Variants in SEMA6A observed in about 807,000 individuals in gnomAD.
SEMA6A encodes semaphorin 6A, also known as semaphorin-6A.
SEMA6A carries 25 observed loss-of-function variants against 96.8 expected under a neutral mutation model. The ratio of observed to expected loss-of-function variants is 0.26; its 90% CI spans 0.19 to 0.36. SEMA6A has a LOEUF of 0.36. Ranked by LOEUF, SEMA6A falls within the 10% of genes least tolerant of loss-of-function variation. The pLI, the probability that SEMA6A is intolerant of heterozygous loss-of-function variation, is 1.00. For synonymous variants in SEMA6A, 612 were observed against 518.0 expected (o/e 1.18, Z -2.46); for missense variants, 1,363 against 1,323.1 (o/e 1.03, Z -0.47).
chr5:116,466,143 G>T (rs1389989581), intron 18 of SEMA6A, among the ~76,000 whole-genome samples: 2 of 151,644 alleles, frequency 1.3e-5, no homozygotes, highest in African/African-American at 2.4e-5. Context: ...AGCCGAGGCG[G>T]GTGGATCACC....
In SEMA6A at chr5:116,478,538, T is replaced by C; in HGVS notation, c.1427+4A>G. On this transcript the variant is annotated splice_donor_region_variant and intron_variant, in intron 13 of 18. Coordinates refer to ENST00000343348, the MANE Select transcript of SEMA6A (RefSeq NM_020796.5). ...ACTAAGAAAGAACCAAATATTCCAC[T>C]TACTTTTCAGAGTTGTAAACACTCA... 1 of 1,602,708 alleles carries C rather than the reference T, an allele frequency of 6.2e-7. No homozygotes were observed.
intron 18 of SEMA6A, among the ~76,000 whole-genome samples, chr5:116,460,886 A>G (rs1194864315): frequency 6.6e-6 from 1 of 151,684 alleles, no homozygotes; most frequent in African/African-American, 2.4e-5. Context: ...CCCTGGTTCA[A>G]GTAATTCCCT....
At chr5:116,454,975 G>A (rs112179859) in intron 18 of SEMA6A, among the ~76,000 whole-genome samples, 2 of 152,250 alleles carry the variant, frequency 1.3e-5, no homozygotes, top group African/African-American at 4.8e-5. Context: ...GAATTCAGAA[G>A]CTATTTTAAA....
intron 1 of SEMA6A, chr5:116,562,880 C>G: frequency 1.6e-6 from 1 of 626,868 alleles, no homozygotes; most frequent in East Asian, 3.4e-5. Context: ...GACAAAGACT[C>G]CTGGACCTGG....
chr5:116,450,161 C>T (rs1379509540), intron 18 of SEMA6A, among the ~76,000 whole-genome samples: 3 of 152,184 alleles, frequency 2.0e-5, no homozygotes, highest in Non-Finnish European at 2.9e-5. Context: ...CAAAAATGTA[C>T]ACCTGTGGAT....
chr5:116,474,278 G>GCACACACACACA (rs113731062), intron 16 of SEMA6A, among the ~76,000 whole-genome samples: 1,887 of 147,364 alleles, frequency 0.013, 17 homozygotes, highest in South Asian at 0.032. Flanking sequence ...GTGCACGCAT[G>GCACACACACACA]CACACACACA....
At position 116,502,211 on chromosome 5, in the gene SEMA6A, T is replaced by C; in HGVS notation, c.217A>G (p.Arg73Gly). 6.2e-7 allele frequency: 1 copy of C among 1,613,564 alleles called. No individual in the cohort carries two copies. Among genetic ancestry groups the C allele is most frequent in the Non-Finnish European group, 8.5e-7 (1 of 1,179,506 alleles). The stretch of plus-strand genomic sequence containing the variant: ...AGACATGGGGAAAAGGCCCCTTACC[T>C]AGCAGCAATGTAGAGGGTTCCGTTC... ...IMNGTLYIAA[R>G]DHIYTVDIDT... The change falls in exon 3 of 19, where the codon AGG (arginine) becomes GGG (glycine). Residue 73 changes from arginine (R) to glycine (G), a missense_variant and splice_region_variant. Arg to Gly is a moderately radical substitution (Grantham distance 125). Transcript: ENST00000343348.
Position 116,488,869 on chromosome 5 carries a change from C to T in SEMA6A, c.655+19G>A. The T allele has an allele frequency of 6.5e-7, 1 of 1,550,242 alleles. No homozygotes were observed. The highest frequency in any genetic ancestry group is 2.4e-5 in the East Asian group (1 of 41,266). ...ATTCCCCTCCCCTCCGACCCTCCTTCTTTTAATTGTTTGTTCACCTTTCAA... is the reference window on the plus strand; with the variant it reads ...ATTCCCCTCCCCTCCGACCCTCCTTTTTTTAATTGTTTGTTCACCTTTCAA... On this transcript the variant is annotated intron_variant, in intron 8 of 18. Coordinates refer to ENST00000343348, the MANE Select transcript of SEMA6A (RefSeq NM_020796.5).
intron 1 of SEMA6A, among the ~76,000 whole-genome samples, chr5:116,563,969 C>A (rs1487923304): frequency 6.7e-6 from 1 of 148,246 alleles, no homozygotes; most frequent in Non-Finnish European, 1.5e-5. Context: ...AGCCAGACCA[C>A]ATGATCAAAA....
intron 16 of SEMA6A, among the ~76,000 whole-genome samples, chr5:116,474,418 AACAT>A (rs1484389163): frequency 6.6e-6 from 1 of 152,350 alleles, no homozygotes; most frequent in African/African-American, 2.4e-5. Flanking sequence ...GCACACACGT[AACAT>A]ACATCTTTTA....
At chr5:116,568,161 G>A (rs1761083946) in intron 1 of SEMA6A, among the ~76,000 whole-genome samples, 1 of 152,232 alleles carries the variant, frequency 6.6e-6, no homozygotes, top group African/African-American at 2.4e-5. Flanking sequence ...CCAGGGTCCA[G>A]AGTGGGAAAG....
At chr5:116,470,647 C>G (rs1395294447) in intron 17 of SEMA6A, among the ~76,000 whole-genome samples, 2 of 152,114 alleles carry the variant, frequency 1.3e-5, no homozygotes, top group Non-Finnish European at 2.9e-5. Context: ...GCCCAATTCA[C>G]TAAAAGGGAT....
chr5:116,528,156 C>T (rs1449455116), intron 1 of SEMA6A, among the ~76,000 whole-genome samples: 3 of 152,146 alleles, frequency 2.0e-5, no homozygotes, highest in Admixed American at 6.5e-5. Context: ...TTCCTTTCTT[C>T]GCTTCCTTAA....
intron 18 of SEMA6A, among the ~76,000 whole-genome samples, chr5:116,451,909 G>A (rs116937264): frequency 8.2e-4 from 124 of 152,054 alleles, no homozygotes; most frequent in Admixed American, 2.0e-3. Flanking sequence ...CAAAAGAGTC[G>A]ATGACGATAA....
chr5:116,500,079 T>C (rs1398014978), intron 3 of SEMA6A, among the ~76,000 whole-genome samples: 4 of 152,214 alleles, frequency 2.6e-5, no homozygotes, highest in Non-Finnish European at 2.9e-5. Context: ...TCCAACCCTA[T>C]TACGTTTAGG....
intron 1 of SEMA6A, among the ~76,000 whole-genome samples, chr5:116,511,475 C>G (rs1055622809): frequency 6.6e-6 from 1 of 152,112 alleles, no homozygotes; most frequent in Non-Finnish European, 1.5e-5. Context: ...AAGTTTATGT[C>G]CTTCCCAAGG....
Position 116,447,591 on chromosome 5 carries a change from G to T in SEMA6A, c.2115C>A (p.Leu705=), listed in dbSNP as rs756740582. ...RRGSMSSVTK[L]SGLFGDTQSK... is the part of the protein sequence containing the mutation. The stretch of plus-strand genomic sequence containing the variant: ...ATTGAGTGTCCCCAAAGAGGCCGCT[G>T]AGCTTGGTGACGCTGCTCATGGAGC... The change falls in exon 19 of 19, where the codon CTC becomes CTA. Residue 705 remains leucine (L), a synonymous_variant. Transcript: ENST00000343348. 1 of 1,613,942 alleles carries T rather than the reference G, an allele frequency of 6.2e-7. No homozygotes were observed. Among genetic ancestry groups the T allele is most frequent in the African/African-American group, 1.3e-5 (1 of 74,940 alleles).
Position 116,502,962 on chromosome 5 carries a change from C to G in SEMA6A, c.101-635G>C, listed in dbSNP as rs1368927441. On this transcript the variant is annotated intron_variant, in intron 2 of 18. Transcript: ENST00000343348. The stretch of plus-strand genomic sequence containing the variant: ...GATGTGGGCTTTGACAGGACAGGGT[C>G]AAACTGAGTGTAGCCAGTCAGGTGA... Among the ~76,000 whole-genome samples, 3 of 152,210 alleles carry G rather than the reference C, an allele frequency of 2.0e-5. No individual in the cohort carries two copies. In the East Asian group the frequency reaches 5.8e-4, roughly 29 times the overall value.
In SEMA6A at chr5:116,460,581, C is replaced by T. The variant is rs80336728; in HGVS notation, c.1894+7002G>A. Among the ~76,000 whole-genome samples, 914 of 152,088 alleles carry T rather than the reference C, an allele frequency of 6.0e-3. 9 individuals are homozygous for T. The highest frequency in any genetic ancestry group is 0.021 in the African/African-American group (869 of 41,478). On this transcript the variant is annotated intron_variant, in intron 18 of 18. Coordinates refer to ENST00000343348, the MANE Select transcript of SEMA6A (RefSeq NM_020796.5). ...AAAAGTATGTCCTATGCAATATTTG[C>T]GGTATATTTACACTAACAATTATTT...
Sources: gnomAD v4.1 joint callset for allele counts (sites outside exome capture counted in the v4.1 genomes callset) on GRCh38, gnomAD v4.1.1 for gene constraint, MANE v1.5 for transcripts, NCBI Gene and HGNC (gene_info 2026-07-23, HGNC 2026-07-21) for gene names.